The following SLC36A1 variants were observed in gnomAD, a reference collection of about 807,000 sequenced individuals.
The protein encoded by SLC36A1 is solute carrier family 36 member 1.
In SLC36A1, 30 loss-of-function variants were observed where a neutral mutation model predicts 47.5. That is an observed-to-expected ratio of 0.63 (90% confidence interval 0.47 to 0.86). The LOEUF (loss-of-function observed/expected upper bound fraction) is 0.86, where lower values mean the gene tolerates loss of function less well. Ranked by LOEUF, SLC36A1 falls within the 40% of genes least tolerant of loss-of-function variation. SLC36A1 has a pLI of 0.00. For synonymous variants in SLC36A1, 255 were observed against 249.7 expected (o/e 1.02, Z -0.20); for missense variants, 517 against 606.0 (o/e 0.85, Z 1.54).
the SLC36A1 span, among the ~76,000 whole-genome samples, chr5:151,538,843 A>ATTTT: frequency 1.4e-5 from 2 of 143,848 alleles, no homozygotes; most frequent in African/African-American, 5.1e-5. Context: ...CACCTGGCTA[A>ATTTT]TTTTTTTTTT....
chr5:151,529,173 C>CT, the SLC36A1 span: 1 of 1,613,816 alleles, frequency 6.2e-7, no homozygotes, highest in Non-Finnish European at 8.5e-7. Context: ...GTGGCAGATC[C>CT]TTACCGTGAG....
intron 10 of SLC36A1, 180 bp downstream of exon 10, chr5:151,479,669 A>G (rs2127532953): frequency 1.6e-6 from 1 of 617,492 alleles, no homozygotes; most frequent in African/African-American, 1.8e-5. Flanking sequence ...TGAATTAATT[A>G]CATATGTACT....
chr5:151,523,633 G>C, the SLC36A1 span, among the ~76,000 whole-genome samples: 9,796 of 152,254 alleles, frequency 0.064, 422 homozygotes, highest in African/African-American at 0.12. Context: ...TAGGCAGGAC[G>C]TGTGCCTGGG....
At chr5:151,345,952 C>G in the SLC36A1 span, among the ~76,000 whole-genome samples, 1 of 152,218 alleles carries the variant, frequency 6.6e-6, no homozygotes, top group Non-Finnish European at 1.5e-5. Flanking sequence ...AAACTGGACA[C>G]AAAGAAGTTC....
chr5:151,522,114 C>T, the SLC36A1 span: 16 of 1,519,966 alleles, frequency 1.1e-5, no homozygotes, highest in Non-Finnish European at 1.3e-5. Context: ...ACTGCTGTCA[C>T]CCAACAGAAC....
the SLC36A1 span, among the ~76,000 whole-genome samples, chr5:151,428,689 G>A: frequency 6.6e-6 from 1 of 152,110 alleles, no homozygotes; most frequent in African/African-American, 2.4e-5. Context: ...CTGGAGTGCA[G>A]TGGCATGATC....
At chr5:151,397,325 G>A in the SLC36A1 span, among the ~76,000 whole-genome samples, 11 of 152,170 alleles carry the variant, frequency 7.2e-5, no homozygotes, top group African/African-American at 2.7e-4. Flanking sequence ...AGCACAAAGC[G>A]GGGAGCGGAA....
upstream of SLC36A1, among the ~76,000 whole-genome samples, chr5:151,434,601 A>G (rs898814987): frequency 3.3e-5 from 5 of 152,198 alleles, no homozygotes; most frequent in South Asian, 1.0e-3. Flanking sequence ...AAAGACCTAA[A>G]TATATCCTAC....
chr5:151,467,093 T>C (rs1412915194), intron 5 of SLC36A1, 106 bp from the exon 6 acceptor site: 7 of 815,454 alleles, frequency 8.6e-6, no homozygotes, highest in Non-Finnish European at 1.4e-5. Flanking sequence ...ACAGCACTTG[T>C]ACTCCCTAAA....
chr5:151,347,561 G>C, the SLC36A1 span: 989 of 1,473,758 alleles, frequency 6.7e-4, 10 homozygotes, highest in African/African-American at 0.013. Flanking sequence ...CAGCACAGTG[G>C]TGTGTGCCCG....
chr5:151,351,501 C>T, the SLC36A1 span, among the ~76,000 whole-genome samples: 2 of 151,782 alleles, frequency 1.3e-5, no homozygotes, highest in Non-Finnish European at 2.9e-5. Context: ...GAGTGAATTG[C>T]GGATGAGGAG....
At chr5:151,422,573 A>T in the SLC36A1 span, among the ~76,000 whole-genome samples, 437 of 152,198 alleles carry the variant, frequency 2.9e-3, 3 homozygotes, top group African/African-American at 9.9e-3. Flanking sequence ...AAAAATATTT[A>T]AAAAATTAGC....
chr5:151,545,215 T>C, the SLC36A1 span: 3 of 1,614,192 alleles, frequency 1.9e-6, no homozygotes, highest in Non-Finnish European at 1.7e-6. Flanking sequence ...CCAGTAGACA[T>C]CCTGATCAAA....
At chr5:151,360,430 T>A in the SLC36A1 span, among the ~76,000 whole-genome samples, 5 of 152,132 alleles carry the variant, frequency 3.3e-5, no homozygotes. Flanking sequence ...TAAATGGAGT[T>A]GGGTCATCAT....
the SLC36A1 span, among the ~76,000 whole-genome samples, chr5:151,383,091 C>G: frequency 6.6e-6 from 1 of 152,238 alleles, no homozygotes; most frequent in East Asian, 1.9e-4. Context: ...TAAATATATT[C>G]AAGTTAAATG....
At chr5:151,494,120 C>T (rs1760273425), downstream of SLC36A1, among the ~76,000 whole-genome samples, 1 of 152,156 alleles carries the variant, frequency 6.6e-6, no homozygotes, top group African/African-American at 2.4e-5. Context: ...CATTGCATTA[C>T]TACTGGAGGC....
the SLC36A1 span, among the ~76,000 whole-genome samples, chr5:151,498,608 C>T: frequency 1.1e-3 from 167 of 152,312 alleles, 1 homozygote; most frequent in African/African-American, 3.9e-3. Context: ...ACCTCCTTCA[C>T]TGAGCACGGC....
chr5:151,453,954 G>A (rs751232715), intron 1 of SLC36A1, among the ~76,000 whole-genome samples: 9 of 151,598 alleles, frequency 5.9e-5, no homozygotes, highest in Admixed American at 6.6e-5. Flanking sequence ...GATTCCACCT[G>A]CTCATTTTTA....
chr5:151,536,358 A>G, the SLC36A1 span, among the ~76,000 whole-genome samples: 1 of 152,212 alleles, frequency 6.6e-6, no homozygotes, highest in Middle Eastern at 3.4e-3. Context: ...ATTGTCCCCT[A>G]TCTACCCAGA....
Sources: gnomAD v4.1 joint callset for allele counts (sites outside exome capture counted in the v4.1 genomes callset) on GRCh38, gnomAD v4.1.1 for gene constraint, MANE v1.5 for transcripts, NCBI Gene and HGNC (gene_info 2026-07-23, HGNC 2026-07-21) for gene names.